The following FABP12 variants were observed in gnomAD, a reference collection of about 807,000 sequenced individuals.
FABP12 encodes the protein fatty acid binding protein 12.
Under a neutral mutation model 13.7 loss-of-function variants are expected in FABP12, and 19 were observed. The observed-to-expected ratio is 1.39, with a 90% CI of 0.97 to 2.04. FABP12 has a LOEUF of 2.04. Ranked by LOEUF, FABP12 falls within the 30% of genes most tolerant of loss-of-function variation. FABP12 has a pLI of 0.00. For synonymous variants in FABP12, 61 were observed against 57.0 expected (o/e 1.07, Z -0.32); for missense variants, 182 against 164.2 (o/e 1.11, Z -0.59).
At chr8:81,547,520 A>G (rs1475539624) in intron 1 of FABP12, among the ~76,000 whole-genome samples, 2 of 152,234 alleles carry the variant, frequency 1.3e-5, no homozygotes, top group Non-Finnish European at 2.9e-5. Context: ...TTTAGCAGGT[A>G]CTGACAGAAA....
At chr8:81,570,152 T>C (rs1311581639) in intron 1 of FABP12, among the ~76,000 whole-genome samples, 1 of 152,198 alleles carries the variant, frequency 6.6e-6, no homozygotes, top group Non-Finnish European at 1.5e-5. Flanking sequence ...CCAGGGAATG[T>C]GGTGGTGCCC....
At chr8:81,542,092 T>C (rs1490312754) in intron 1 of FABP12, among the ~76,000 whole-genome samples, 1 of 152,036 alleles carries the variant, frequency 6.6e-6, no homozygotes, top group Non-Finnish European at 1.5e-5. Context: ...AACAAGAACC[T>C]ACTGACTCTG....
chr8:81,557,974 G>A lies in FABP12; in HGVS notation c.-184-18231C>T, dbSNP rs572570692. ...GGGCAGGAAGCCTGCCCAGGCCCTA[G>A]GTCAGCATGGGCACTCGGTGAGGGA... On this transcript the variant is annotated intron_variant, in intron 1 of 5. Transcript: ENST00000692030. Among the ~76,000 whole-genome samples, 11 of 152,300 alleles carry A rather than the reference G, an allele frequency of 7.2e-5. No homozygotes were observed. The South Asian group carries it at 2.3e-3, about 32-fold the overall frequency.
intron 1 of FABP12, among the ~76,000 whole-genome samples, chr8:81,568,976 G>A (rs553862108): frequency 1.2e-4 from 18 of 152,280 alleles, no homozygotes; most frequent in Non-Finnish European, 4.4e-5. Context: ...GGTGGTGGTG[G>A]ATGGGTGGGG....
intron 1 of FABP12, among the ~76,000 whole-genome samples, chr8:81,554,060 C>T (rs1054998354): frequency 6.6e-6 from 1 of 152,284 alleles, no homozygotes; most frequent in Non-Finnish European, 1.5e-5. Flanking sequence ...CTTGCAACCA[C>T]ACAGTGTATC....
At chr8:81,553,892 C>A (rs1809565222) in intron 1 of FABP12, among the ~76,000 whole-genome samples, 1 of 152,140 alleles carries the variant, frequency 6.6e-6, no homozygotes, top group South Asian at 2.1e-4. Flanking sequence ...TCAGACAATT[C>A]CCTTGCAACA....
intron 1 of FABP12, among the ~76,000 whole-genome samples, chr8:81,563,353 AAATACCC>A (rs571913622): frequency 9.9e-4 from 151 of 152,332 alleles, no homozygotes; most frequent in African/African-American, 3.6e-3. Context: ...AGACTATAAT[AAATACCC>A]AATTCTCCAA....
At chr8:81,530,574 A>G (rs1035341771) in intron 2 of FABP12, among the ~76,000 whole-genome samples, 5 of 152,244 alleles carry the variant, frequency 3.3e-5, no homozygotes, top group Admixed American at 1.3e-4. Context: ...CATGGAATTC[A>G]TATCATAAAA....
intron 1 of FABP12, among the ~76,000 whole-genome samples, chr8:81,579,411 A>G (rs1262901433): frequency 1.3e-5 from 2 of 152,206 alleles, no homozygotes; most frequent in African/African-American, 4.8e-5. Flanking sequence ...TCTCTATGAA[A>G]GAGTTTCAAA....
At chr8:81,565,230 A>C (rs1809795326) in intron 1 of FABP12, among the ~76,000 whole-genome samples, 1 of 152,062 alleles carries the variant, frequency 6.6e-6, no homozygotes, top group Non-Finnish European at 1.5e-5. Context: ...GTCCAATACA[A>C]TAATAGCTGG....
At chr8:81,555,664 A>G (rs1253686220) in intron 1 of FABP12, among the ~76,000 whole-genome samples, 2 of 152,206 alleles carry the variant, frequency 1.3e-5, no homozygotes, top group East Asian at 3.8e-4. Context: ...GTTACTTTGT[A>G]TCAATTCAAT....
At chr8:81,563,060 G>C (rs964276980) in intron 1 of FABP12, among the ~76,000 whole-genome samples, 5 of 152,228 alleles carry the variant, frequency 3.3e-5, no homozygotes, top group African/African-American at 1.2e-4. Flanking sequence ...CCCTCCCGCA[G>C]CTCCAGGCAG....
intron 1 of FABP12, among the ~76,000 whole-genome samples, chr8:81,582,042 C>T (rs988243203): frequency 4.6e-5 from 7 of 151,018 alleles, no homozygotes; most frequent in Admixed American, 4.6e-4. Flanking sequence ...ATGAAATAAG[C>T]ATCAATGTAT....
In FABP12 at chr8:81,575,280, G is replaced by A. The variant is rs1419715961; in HGVS notation, c.-185+14773C>T. 2.6e-5 allele frequency among the ~76,000 whole-genome samples: 4 copies of A among 152,074 alleles called. No homozygotes were observed. In the South Asian group the frequency reaches 6.2e-4, roughly 24 times the overall value. On this transcript the variant is annotated intron_variant, in intron 1 of 5. Coordinates refer to the FABP12 transcript ENST00000692030. ...AATGGTTTTGAAGGTTCCTTTTGGA[G>A]TTGATTTCCAGTTTTATTCCACTGT...
chr8:81,590,131 G>A (rs1810298035), exon 1 of FABP12, among the ~76,000 whole-genome samples: 1 of 152,182 alleles, frequency 6.6e-6, no homozygotes, highest in Non-Finnish European at 1.5e-5. Context: ...TGCAGAGGCA[G>A]CACTTAACAA....
intron 4 of FABP12, among the ~76,000 whole-genome samples, chr8:81,525,322 C>T (rs1029194367): frequency 1.3e-5 from 2 of 152,104 alleles, no homozygotes; most frequent in African/African-American, 4.8e-5. Flanking sequence ...TCAAGACCAG[C>T]CTGGCCAACA....
chr8:81,550,385 T>C (rs1172132250), intron 1 of FABP12, among the ~76,000 whole-genome samples: 1 of 152,202 alleles, frequency 6.6e-6, no homozygotes, highest in African/African-American at 2.4e-5. Context: ...GTTTTCTTTG[T>C]TGGTGCTTGA....
At chr8:81,540,579 A>C (rs1809319520) in intron 1 of FABP12, among the ~76,000 whole-genome samples, 1 of 152,196 alleles carries the variant, frequency 6.6e-6, no homozygotes, top group Non-Finnish European at 1.5e-5. Flanking sequence ...CATGAATCAC[A>C]AGGAAAACCT....
intron 1 of FABP12, among the ~76,000 whole-genome samples, chr8:81,531,898 G>A (rs1809085185): frequency 6.6e-6 from 1 of 151,746 alleles, no homozygotes; most frequent in African/African-American, 2.4e-5. Context: ...AAAAGAGAAT[G>A]GGACAGAGAA....
Sources: gnomAD v4.1 joint callset for allele counts (sites outside exome capture counted in the v4.1 genomes callset) on GRCh38, gnomAD v4.1.1 for gene constraint, MANE v1.5 for transcripts, NCBI Gene and HGNC (gene_info 2026-07-23, HGNC 2026-07-21) for gene names.